The following ITPR2 variants were observed in gnomAD, a reference collection of about 807,000 sequenced individuals.
The protein encoded by ITPR2 is inositol 1,4,5-trisphosphate-gated calcium channel ITPR2.
Under a neutral mutation model 317.1 loss-of-function variants are expected in ITPR2, and 207 were observed. The ratio of observed to expected loss-of-function variants is 0.65; its 90% CI spans 0.58 to 0.73. The LOEUF (loss-of-function observed/expected upper bound fraction) is 0.73, where lower values mean the gene tolerates loss of function less well. Ranked by LOEUF, ITPR2 falls within the 30% of genes least tolerant of loss-of-function variation. The probability of loss-of-function intolerance (pLI) is 0.00; values close to 1 mark genes in which losing one functional copy is unlikely to be tolerated. For synonymous variants in ITPR2, 1,156 were observed against 1,149.1 expected, an observed-to-expected ratio of 1.01 and a Z score of -0.12; for missense variants, 2,613 against 3,284.0, an observed-to-expected ratio of 0.80 and a Z score of 4.99.
At chr12:26,541,798 A>G (rs190811849) in intron 37 of ITPR2, among the ~76,000 whole-genome samples, 4 of 152,354 alleles carry the variant, frequency 2.6e-5, no homozygotes, top group Non-Finnish European at 5.9e-5. Context: ...TCTCAAAATT[A>G]GAAATAAAAG....
At chr12:26,772,755 A>G (rs951965386) in intron 2 of ITPR2, among the ~76,000 whole-genome samples, 3 of 146,096 alleles carry the variant, frequency 2.1e-5, no homozygotes, top group Non-Finnish European at 3.0e-5. Context: ...TTCTTTTTTT[A>G]CTTTAACTTC....
At chr12:26,478,197 C>T (rs777857434) in intron 43 of ITPR2, among the ~76,000 whole-genome samples, 9 of 152,020 alleles carry the variant, frequency 5.9e-5, no homozygotes, top group Non-Finnish European at 5.9e-5. Flanking sequence ...TCTTAAGTGA[C>T]CAATAATAGT....
chr12:26,687,974 C>A (rs1412881684), intron 10 of ITPR2, among the ~76,000 whole-genome samples: 1 of 152,136 alleles, frequency 6.6e-6, no homozygotes, highest in Non-Finnish European at 1.5e-5. Flanking sequence ...GCATACTATA[C>A]ATCATAAGGG....
At chr12:26,412,061 G>A (rs1940567683) in intron 51 of ITPR2, among the ~76,000 whole-genome samples, 1 of 152,088 alleles carries the variant, frequency 6.6e-6, no homozygotes, top group African/African-American at 2.4e-5. Flanking sequence ...TGTTGTTTTT[G>A]TTAGTAACAC....
At chr12:26,697,607 G>A (rs1042969722) in intron 9 of ITPR2, among the ~76,000 whole-genome samples, 18 of 151,998 alleles carry the variant, frequency 1.2e-4, no homozygotes, top group African/African-American at 4.1e-4. Flanking sequence ...TCAGGAGTTC[G>A]AGATCATCCT....
intron 10 of ITPR2, among the ~76,000 whole-genome samples, chr12:26,687,122 A>G (rs1354864365): frequency 2.6e-5 from 4 of 152,192 alleles, no homozygotes; most frequent in African/African-American, 9.7e-5. Flanking sequence ...GCTCCCCTAG[A>G]TTCAAGAACA....
chr12:26,745,455 A>G (rs1467456488), intron 2 of ITPR2, among the ~76,000 whole-genome samples: 2 of 152,248 alleles, frequency 1.3e-5, no homozygotes, highest in East Asian at 3.8e-4. Context: ...ATTTTTCTAT[A>G]GCCCAAACTG....
At chr12:26,654,692 A>ACTCT (rs112280466) in intron 20 of ITPR2, among the ~76,000 whole-genome samples, 6 of 148,882 alleles carry the variant, frequency 4.0e-5, no homozygotes, top group East Asian at 3.9e-4. Context: ...TCCATCTTGT[A>ACTCT]CTCTCTCTCT....
chr12:26,684,000 GACTCAGGCAAAGAGATTC>G (rs1948082751), intron 11 of ITPR2, among the ~76,000 whole-genome samples: 1 of 152,164 alleles, frequency 6.6e-6, no homozygotes, highest in South Asian at 2.1e-4. Context: ...AATGCCAAGG[GACTCAGGCAAAGAGATTC>G]ATTCAACAAC....
At chr12:26,672,876 C>T (rs1452440702) in intron 13 of ITPR2, among the ~76,000 whole-genome samples, 59 of 151,942 alleles carry the variant, frequency 3.9e-4, no homozygotes, top group Admixed American at 3.5e-3. Context: ...ATATCACCAC[C>T]GATCCCACAG....
intron 13 of ITPR2, among the ~76,000 whole-genome samples, chr12:26,681,342 T>A (rs1457997042): frequency 6.6e-6 from 1 of 152,210 alleles, no homozygotes; most frequent in East Asian, 1.9e-4. Flanking sequence ...TCAATATCAT[T>A]CTCTTTCTTA....
chr12:26,491,982 G>A (rs556785531), intron 39 of ITPR2, among the ~76,000 whole-genome samples: 5 of 152,302 alleles, frequency 3.3e-5, no homozygotes, highest in Non-Finnish European at 7.4e-5. Context: ...CACAGTAAAC[G>A]TTAAAGGTGT....
intron 51 of ITPR2, 50 bp downstream of exon 51, chr12:26,415,253 C>CA (rs1433210424): frequency 1.7e-6 from 2 of 1,208,906 alleles, no homozygotes; most frequent in Non-Finnish European, 2.3e-6. Context: ...AAGCTACACA[C>CA]AAGTCATATC....
rs180951078 is a variant in ITPR2 at position 26,417,629 on chromosome 12, T to A, written c.7110+1420A>T. Reference sequence around the variant, plus strand: ...TCACCTTCCACCATGATTGTAAGTTTCCTTAGGCCTCCCCAGCCATGTGGA... The same window carrying A: ...TCACCTTCCACCATGATTGTAAGTTACCTTAGGCCTCCCCAGCCATGTGGA... On this transcript the variant is annotated intron_variant, in intron 50 of 56. Transcript: ENST00000381340. Among the ~76,000 whole-genome samples the A allele has an allele frequency of 1.8e-3, 276 of 152,298 alleles. 1 individual carries two copies. Among genetic ancestry groups the A allele is most frequent in the African/African-American group, 6.2e-3 (258 of 41,566 alleles).
chr12:26,551,927 T>C (rs2137007073), intron 36 of ITPR2, among the ~76,000 whole-genome samples: 1 of 152,160 alleles, frequency 6.6e-6, no homozygotes. Flanking sequence ...CTAGAGAAAA[T>C]AGGGAACCAC....
At chr12:26,543,167 C>T (rs550410794) in intron 37 of ITPR2, among the ~76,000 whole-genome samples, 156 of 152,246 alleles carry the variant, frequency 1.0e-3, no homozygotes, top group Non-Finnish European at 1.7e-3. Context: ...CCTCTGAGTG[C>T]AGTCCTTATT....
intron 2 of ITPR2, among the ~76,000 whole-genome samples, chr12:26,784,688 G>C (rs11048683): frequency 6.6e-6 from 1 of 151,400 alleles, no homozygotes; most frequent in Non-Finnish European, 1.5e-5. Flanking sequence ...ATCTCGGCTC[G>C]CTACAGCCTC....
At position 26,831,041 on chromosome 12, in the gene ITPR2, G is replaced by A. The variant is rs1951092782; in HGVS notation, c.92+1649C>T. On this transcript the variant is annotated intron_variant, in intron 1 of 56. Coordinates refer to ENST00000381340, the MANE Select transcript of ITPR2 (RefSeq NM_002223.4). The surrounding 1 kb of genome is among the most constrained non-coding windows in gnomAD (Gnocchi z 4.9). ...TCAAACCCCAAGTATTCTGTCCATG[G>A]AACCCCCTCTGCTTAACTACTACAT... is the stretch of plus-strand genomic sequence containing the variant. 6.6e-6 allele frequency among the ~76,000 whole-genome samples: 1 copy of A among 152,122 alleles called. No individual in the cohort carries two copies. Among genetic ancestry groups the A allele is most frequent in the East Asian group, 1.9e-4 (1 of 5,198 alleles).
intron 1 of ITPR2, among the ~76,000 whole-genome samples, chr12:26,807,188 C>CA (rs1050096618): frequency 9.0e-5 from 13 of 144,560 alleles, no homozygotes; most frequent in South Asian, 6.6e-4. Context: ...GACTCTGTCT[C>CA]AAAAAAAACA....
Sources: gnomAD v4.1 joint callset for allele counts (sites outside exome capture counted in the v4.1 genomes callset) on GRCh38, gnomAD v4.1.1 for gene constraint, Gnocchi (gnomAD v3.1) non-coding constraint, MANE v1.5 for transcripts, NCBI Gene and HGNC (gene_info 2026-07-23, HGNC 2026-07-21) for gene names.